NECAB3: variants seen among roughly 807,000 people sequenced by gnomAD.
NECAB3 encodes N-terminal EF-hand calcium-binding protein 3.
Under a neutral mutation model 57.2 loss-of-function variants are expected in NECAB3, and 38 were observed. The ratio of observed to expected loss-of-function variants is 0.66; its 90% confidence interval spans 0.51 to 0.87. The LOEUF (loss-of-function observed/expected upper bound fraction) is 0.87, where lower values mean the gene tolerates loss of function less well. Ranked by LOEUF, NECAB3 falls within the 40% of genes least tolerant of loss-of-function variation. NECAB3 has a pLI of 0.00. For missense variants in NECAB3, 474 were observed against 527.5 expected (o/e 0.90, Z 0.99); for synonymous variants, 223 against 222.6 (o/e 1.00, Z -0.02).
upstream of NECAB3, chr20:33,674,535 G>A (rs964303926): frequency 2.6e-5 from 13 of 491,224 alleles, no homozygotes; most frequent in Non-Finnish European, 3.5e-5. Context: ...AGCGCCGCGG[G>A]CCTCCGCGCT....
intron 5 of NECAB3, chr20:33,667,650 CCT>C: frequency 6.2e-7 from 1 of 1,609,274 alleles, no homozygotes. Flanking sequence ...CAGGCAGCAC[CCT>C]GTCGCGCTAC....
intron 7 of NECAB3, 26 bp downstream of exon 7, chr20:33,659,859 G>C (rs761106523): frequency 6.5e-7 from 1 of 1,539,854 alleles, no homozygotes; most frequent in Admixed American, 2.0e-5. Flanking sequence ...GCCTCGGCCA[G>C]GCCTCCCACC....
At chr20:33,664,352 C>T (rs1418638214) in intron 5 of NECAB3, 1 of 155,740 alleles carries the variant, frequency 6.4e-6, no homozygotes, top group East Asian at 1.9e-4. Flanking sequence ...GGGGCAAGGC[C>T]TGAGACGTGG....
chr20:33,661,631 T>C (rs1265645387), intron 5 of NECAB3, among the ~76,000 whole-genome samples: 1 of 152,240 alleles, frequency 6.6e-6, no homozygotes, highest in African/African-American at 2.4e-5. Context: ...AGCCAAGCAC[T>C]ACTGCAAGAA....
At chr20:33,659,280 C>T (rs1387944545) in intron 8 of NECAB3, among the ~76,000 whole-genome samples, 1 of 152,230 alleles carries the variant, frequency 6.6e-6, no homozygotes, top group South Asian at 2.1e-4. Flanking sequence ...TCCACACTGC[C>T]CCAGACCTGG....
chr20:33,670,747 T>A lies in NECAB3; in HGVS notation c.200A>T (p.Asp67Val). The change falls in exon 3 of 12, where the codon GAT (aspartate) becomes GTT (valine). Residue 67 changes from aspartate to valine, a missense_variant. Asp to Val is a radical substitution (Grantham distance 152). Coordinates refer to ENST00000246190, the MANE Select transcript of NECAB3 (RefSeq NM_031232.4). ...SFEEFQNYFA[D>V]GVLSLGELQE... ...CAGCTCCCCCAGGCTGAGAACCCCA[T>A]CGGCAAAGTAATTCTGGAATTCCTC... 1 of 1,614,018 alleles carries A rather than the reference T, an allele frequency of 6.2e-7. No homozygotes were observed. The highest frequency in any genetic ancestry group is 8.5e-7 in the Non-Finnish European group (1 of 1,179,966).
chr20:33,663,731 A>G, intron 5 of NECAB3: 1 of 1,532,890 alleles, frequency 6.5e-7, no homozygotes, highest in Non-Finnish European at 8.7e-7. Context: ...CGGCCGGAAG[A>G]GGGCGGGGCC....
intron 5 of NECAB3, chr20:33,667,502 C>T: frequency 1.3e-6 from 2 of 1,514,758 alleles, no homozygotes; most frequent in East Asian, 2.4e-5. Flanking sequence ...TGCCACATGG[C>T]TAGCACCGCG....
At chr20:33,663,730 G>A (rs997208461) in intron 5 of NECAB3, 10 of 1,533,384 alleles carry the variant, frequency 6.5e-6, no homozygotes, top group African/African-American at 1.4e-5. Context: ...GCGGCCGGAA[G>A]AGGGCGGGGC....
chr20:33,667,470 C>A, intron 5 of NECAB3: 1 of 1,451,370 alleles, frequency 6.9e-7, no homozygotes, highest in Non-Finnish European at 9.0e-7. Flanking sequence ...AGCTGCTGTT[C>A]GAGACCCTGG....
In NECAB3 at chr20:33,659,950, GC is replaced by G; in HGVS notation, c.577del (p.Ala193GlnfsTer6). The G allele has an allele frequency of 6.4e-7, 1 of 1,556,496 alleles. No homozygotes were observed. Among genetic ancestry groups the G allele is most frequent in the South Asian group, 1.2e-5 (1 of 85,034 alleles). On this transcript the variant is annotated frameshift_variant, in exon 7 of 12. Transcript: ENST00000246190. LOFTEE classifies it high-confidence loss of function. ...GACACTCCTCAGGGCTCGGCGTCCT[GC>G]CCGCCGGCTGCCGCAGAGCCTGCTC... ...AQSRLCGSRR[A>X]GRRALRSVSR...
At chr20:33,670,233 G>C (rs2017800566) in intron 3 of NECAB3, 1 of 178,452 alleles carries the variant, frequency 5.6e-6, no homozygotes, top group African/African-American at 2.4e-5. Context: ...AGGGGAGAAG[G>C]GAAGTAGAGG....
chr20:33,663,577 G>A (rs1174915514), intron 5 of NECAB3: 5 of 1,611,414 alleles, frequency 3.1e-6, no homozygotes, highest in Non-Finnish European at 3.4e-6. Context: ...GCAGCCGCTG[G>A]CCAACGCTGG....
At position 33,670,748 on chromosome 20, in the gene NECAB3, C is replaced by T. The variant is rs750909496; in HGVS notation, c.199G>A (p.Asp67Asn). ...SFEEFQNYFADGVLSLGELQE... is the reference protein window; with the variant it reads ...SFEEFQNYFANGVLSLGELQE... ...AGCTCCCCCAGGCTGAGAACCCCAT[C>T]GGCAAAGTAATTCTGGAATTCCTCA... Residue 67 changes from aspartate (D) to asparagine (N), a missense_variant, in exon 3 of 12, where the codon GAT (aspartate) becomes AAT (asparagine). By Grantham distance (23) the Asp-to-Asn change is conservative. Coordinates refer to ENST00000246190, the MANE Select transcript of NECAB3 (RefSeq NM_031232.4). 1.4e-5 allele frequency: 23 copies of T among 1,613,964 alleles called. No homozygotes were observed. Among genetic ancestry groups the T allele is most frequent in the East Asian group, 2.2e-5 (1 of 44,892 alleles).
intron 8 of NECAB3, among the ~76,000 whole-genome samples, chr20:33,659,143 C>A (rs1245891435): frequency 6.6e-6 from 1 of 152,168 alleles, no homozygotes; most frequent in African/African-American, 2.4e-5. Flanking sequence ...TGGGTTCCTG[C>A]CGCCAACCTG....
chr20:33,672,490 C>G, intron 1 of NECAB3, 68 bp from the exon 2 acceptor site: 1 of 1,596,970 alleles, frequency 6.3e-7, no homozygotes, highest in South Asian at 1.1e-5. Context: ...CCCACTCAAC[C>G]CGACAGGGTC....
rs1256057297 is a variant in NECAB3 at position 33,659,643 on chromosome 20, C to A, written c.733G>T (p.Val245Leu). The change falls in exon 8 of 12, where the codon GTG becomes TTG. Residue 245 changes from valine (V) to leucine (L), a missense_variant. Val to Leu is a conservative substitution (Grantham distance 32). Coordinates refer to ENST00000246190, the MANE Select transcript of NECAB3 (RefSeq NM_031232.4). ...IDQLECKVRA[V>L]GPGPHKGGPS... Reference sequence around the variant, plus strand: ...CCTCCCTTGTGGGGCCCTGGCCCCACGGCCCTCACCTTGCACTCGAGCTGG... The same window carrying A: ...CCTCCCTTGTGGGGCCCTGGCCCCAAGGCCCTCACCTTGCACTCGAGCTGG... 6.2e-7 allele frequency: 1 copy of A among 1,610,538 alleles called. No homozygotes were observed.
chr20:33,669,075 G>C (rs1220885029), intron 5 of NECAB3: 2 of 381,144 alleles, frequency 5.2e-6, no homozygotes, highest in Admixed American at 4.3e-5. Context: ...CTAGTATGAA[G>C]CACCCAGTGT....
chr20:33,667,937 C>T lies in NECAB3; in HGVS notation c.387+1438G>A, dbSNP rs781470759. On this transcript the variant is annotated intron_variant, in intron 5 of 11. Coordinates refer to ENST00000246190, the MANE Select transcript of NECAB3 (RefSeq NM_031232.4). ...GGGCTGCCCGCGCTGGCCTTCCGGG[C>T]GCTGCAGAAGATGCCCAAAACGCTG... 5 of 1,556,454 alleles carry T rather than the reference C, an allele frequency of 3.2e-6. No individual in the cohort carries two copies. In the South Asian group the frequency reaches 4.7e-5, roughly 15 times the overall value.
Sources: allele counts gnomAD v4.1 joint callset (sites outside exome capture counted in the v4.1 genomes callset), GRCh38; gene constraint gnomAD v4.1.1; transcripts MANE v1.5; gene names NCBI Gene and HGNC (gene_info 2026-07-23, HGNC 2026-07-21).